The following KCTD1 variants were observed in gnomAD, a reference collection of about 807,000 sequenced individuals.
The protein encoded by KCTD1 is potassium channel tetramerization domain containing 1.
A neutral mutation model predicts 66.0 loss-of-function variants in KCTD1; 24 were observed. That is an observed-to-expected ratio of 0.36 (90% CI 0.26 to 0.51). The LOEUF is 0.51. Ranked by LOEUF, KCTD1 falls within the 20% of genes least tolerant of loss-of-function variation. The pLI is 0.95. For missense variants in KCTD1, 943 were observed against 1,205.2 expected, an observed-to-expected ratio of 0.78 and a Z score of 3.22; for synonymous variants, 511 against 517.2, an observed-to-expected ratio of 0.99 and a Z score of 0.16.
intron 1 of KCTD1, among the ~76,000 whole-genome samples, chr18:26,511,414 C>A (rs142231837): frequency 6.6e-6 from 1 of 152,222 alleles, no homozygotes; most frequent in African/African-American, 2.4e-5. Flanking sequence ...CCTCCATTCC[C>A]AGCTCTAAAA....
intron 3 of KCTD1, among the ~76,000 whole-genome samples, chr18:26,470,142 G>A (rs1292745926): frequency 1.3e-5 from 2 of 152,084 alleles, no homozygotes; most frequent in African/African-American, 4.8e-5. Flanking sequence ...ATTCACTCAC[G>A]CCACAAATAT....
At chr18:26,607,597 C>T (rs559926640) in intron 1 of KCTD1, among the ~76,000 whole-genome samples, 1 of 152,062 alleles carries the variant, frequency 6.6e-6, no homozygotes, top group Non-Finnish European at 1.5e-5. Context: ...AATATGTCAC[C>T]ACTCACCCAA....
upstream of KCTD1, chr18:26,548,823 A>C: frequency 1.9e-6 from 2 of 1,053,998 alleles, no homozygotes. Flanking sequence ...TTCTAAGAAA[A>C]CTTTGAAGGA....
chr18:26,611,741 AT>A lies in KCTD1; in HGVS notation c.-16+17405del, dbSNP rs1196314947. Among the ~76,000 whole-genome samples the A allele has an allele frequency of 2.6e-5, 4 of 152,060 alleles. No homozygotes were observed. The East Asian group carries it at 7.7e-4, about 29-fold the overall frequency. ...TTGATTGACTATTCTCATAAGTCATATTTTTCTGCTCTTTTGCATGCCTGGT... is the reference window on the plus strand; with the variant it reads ...TTGATTGACTATTCTCATAAGTCATATTTTCTGCTCTTTTGCATGCCTGGT... On this transcript the variant is annotated intron_variant, in intron 1 of 4. Coordinates refer to the KCTD1 transcript ENST00000317932.
chr18:26,502,051 C>T (rs1330868181), intron 1 of KCTD1, among the ~76,000 whole-genome samples: 1 of 151,948 alleles, frequency 6.6e-6, no homozygotes. Flanking sequence ...GAAATTGTAC[C>T]TTTTTTTTCT....
At chr18:26,548,630 G>C (rs550234566), upstream of KCTD1, 160 of 1,153,788 alleles carry the variant, frequency 1.4e-4, no homozygotes, top group African/African-American at 1.5e-3. Flanking sequence ...TTCAGCTACC[G>C]GGAGGCAAAG....
chr18:26,615,527 G>C (rs186931206), intron 1 of KCTD1, among the ~76,000 whole-genome samples: 49 of 152,276 alleles, frequency 3.2e-4, no homozygotes, highest in Admixed American at 2.4e-3. Context: ...AAATCAACTT[G>C]GGTCTTAAAG....
intron 1 of KCTD1, among the ~76,000 whole-genome samples, chr18:26,570,556 G>T (rs1419992863): frequency 6.6e-6 from 1 of 152,094 alleles, no homozygotes; most frequent in African/African-American, 2.4e-5. Context: ...CTACAGGCAT[G>T]TGCCACCAGG....
chr18:26,553,850 A>G (rs1291533328), intron 1 of KCTD1, among the ~76,000 whole-genome samples: 1 of 151,632 alleles, frequency 6.6e-6, no homozygotes. Flanking sequence ...AAAAAAGGTG[A>G]AGACATTTGC....
At chr18:26,639,911 G>A (rs540222063) in intron 1 of KCTD1, among the ~76,000 whole-genome samples, 2 of 152,282 alleles carry the variant, frequency 1.3e-5, no homozygotes, top group Admixed American at 1.3e-4. Context: ...ATACACACGT[G>A]CATCAGTAGA....
intron 1 of KCTD1, among the ~76,000 whole-genome samples, chr18:26,591,027 T>G (rs866911244): frequency 6.6e-6 from 1 of 152,128 alleles, no homozygotes; most frequent in African/African-American, 2.4e-5. Flanking sequence ...ATAATGTATA[T>G]GAAAATCACT....
rs575927391 is a variant in KCTD1 at position 26,574,078 on chromosome 18, T to C, written c.-16+55069A>G. Among the ~76,000 whole-genome samples the C allele has an allele frequency of 2.6e-5, 4 of 152,306 alleles. No individual in the cohort carries two copies. In the South Asian group the frequency reaches 8.3e-4, roughly 32 times the overall value. On this transcript the variant is annotated intron_variant, in intron 1 of 4. Transcript: ENST00000317932. ...CCAGGTCCAGGGACCCTCTCACTAG[T>C]GCTGGTCAGATCCCTCTTTCCACTA...
At chr18:26,478,927 G>A (rs975183430) in intron 2 of KCTD1, among the ~76,000 whole-genome samples, 1 of 152,214 alleles carries the variant, frequency 6.6e-6, no homozygotes, top group African/African-American at 2.4e-5. Flanking sequence ...TTAAAAGACT[G>A]CAAGTGCTAA....
At chr18:26,558,387 ATAGT>A (rs1333820315) in intron 1 of KCTD1, among the ~76,000 whole-genome samples, 1 of 152,222 alleles carries the variant, frequency 6.6e-6, no homozygotes, top group Non-Finnish European at 1.5e-5. Context: ...ACTATGGAGA[ATAGT>A]TTGGAGGTTC....
At chr18:26,466,176 T>A (rs1687631334) in intron 3 of KCTD1, among the ~76,000 whole-genome samples, 1 of 152,154 alleles carries the variant, frequency 6.6e-6, no homozygotes, top group African/African-American at 2.4e-5. Flanking sequence ...AGAAGCAATG[T>A]GTGTGTTGCC....
chr18:26,527,378 G>A (rs1190905916), intron 1 of KCTD1, among the ~76,000 whole-genome samples: 1 of 151,066 alleles, frequency 6.6e-6, no homozygotes. Flanking sequence ...TTTTTCTTTT[G>A]TGTACTCAAA....
rs937379412 is a variant in KCTD1 at position 26,518,353 on chromosome 18, G to A, written c.1810-17103C>T. On this transcript the variant is annotated intron_variant, in intron 1 of 4. Coordinates refer to ENST00000580059, the MANE Select transcript of KCTD1 (RefSeq NM_001142730.3). ...TCACTCTGTTGCCCAGGCTGGGTCT[G>A]CCTCCTGGGTTCAAGCGATTCTCCT... Among the ~76,000 whole-genome samples the A allele has an allele frequency of 1.1e-4, 17 of 151,714 alleles. No homozygotes were observed. The South Asian group carries it at 1.3e-3, about 11-fold the overall frequency.
intron 1 of KCTD1, among the ~76,000 whole-genome samples, chr18:26,523,187 T>C (rs1268536680): frequency 5.3e-5 from 8 of 152,160 alleles, no homozygotes; most frequent in Non-Finnish European, 1.0e-4. Context: ...TCAAGTAGAT[T>C]TGGGAAACAC....
chr18:26,525,216 C>G (rs1984099908), intron 1 of KCTD1, among the ~76,000 whole-genome samples: 1 of 152,144 alleles, frequency 6.6e-6, no homozygotes, highest in African/African-American at 2.4e-5. Flanking sequence ...CAGGAAGCTC[C>G]ATTGTGCTAA....
Sources: allele counts gnomAD v4.1 joint callset (sites outside exome capture counted in the v4.1 genomes callset), GRCh38; gene constraint gnomAD v4.1.1; transcripts MANE v1.5; gene names NCBI Gene and HGNC (gene_info 2026-07-23, HGNC 2026-07-21).